The following RASA3 variants were observed in gnomAD, a reference collection of about 807,000 sequenced individuals.
The protein encoded by RASA3 is ras GTPase-activating protein 3.
In RASA3, 73 loss-of-function variants were observed where a neutral mutation model predicts 110.0. The observed-to-expected ratio is 0.66, with a 90% CI of 0.55 to 0.81. The LOEUF (loss-of-function observed/expected upper bound fraction) is 0.81. Among genes scored for constraint, RASA3 ranks in the 30% least tolerant of loss-of-function variants. The pLI, the probability that RASA3 is intolerant of heterozygous loss-of-function variation, is 0.00. For missense variants in RASA3, 976 were observed against 1,113.2 expected (o/e 0.88, Z 1.75); for synonymous variants, 500 against 451.4 (o/e 1.11, Z -1.37).
chr13:114,052,905 C>A (rs1385399497), intron 2 of RASA3, among the ~76,000 whole-genome samples: 3 of 129,134 alleles, frequency 2.3e-5, no homozygotes, highest in East Asian at 2.1e-4. Flanking sequence ...AGTCCTGGCT[C>A]CTGGGGGAGA....
chr13:114,117,538 ATGTGTGAGGGGAGCACG>A (rs2080303741), intron 1 of RASA3, among the ~76,000 whole-genome samples: 1 of 74,040 alleles, frequency 1.4e-5, no homozygotes, highest in African/African-American at 5.4e-5. Flanking sequence ...AGGGGTGCAC[ATGTGTGAGGGGAGCACG>A]TGTGTGAGGG....
At chr13:114,124,724 G>A (rs1364279803) in intron 1 of RASA3, among the ~76,000 whole-genome samples, 2 of 152,246 alleles carry the variant, frequency 1.3e-5, no homozygotes, top group Admixed American at 6.5e-5. Context: ...GCCTGACGGA[G>A]CCGCTCCTTC....
intron 8 of RASA3, 26 bp from the exon 9 acceptor site, chr13:114,021,534 T>C (rs1197282078): frequency 6.3e-7 from 1 of 1,595,454 alleles, no homozygotes. Context: ...AGGACAGCTC[T>C]AGCTGACGGC....
At chr13:114,013,739 TG>T (rs1289982272) in intron 14 of RASA3, among the ~76,000 whole-genome samples, 2 of 52,682 alleles carry the variant, frequency 3.8e-5, no homozygotes, top group African/African-American at 1.4e-4. Context: ...CGTCTGTCTC[TG>T]GCTCTCTCTC....
chr13:114,066,694 C>G (rs1004665760), intron 2 of RASA3, among the ~76,000 whole-genome samples: 2 of 152,242 alleles, frequency 1.3e-5, no homozygotes, highest in African/African-American at 4.8e-5. Flanking sequence ...TGAGAGAACC[C>G]CCTGCATCAT....
In RASA3 at chr13:114,041,124, C is replaced by A. The variant is rs7995748; in HGVS notation, c.278-30G>T. 1.8e-5 allele frequency: 29 copies of A among 1,591,872 alleles called. No individual in the cohort carries two copies. The South Asian group carries it at 3.1e-4, about 17-fold the overall frequency. On this transcript the variant is annotated intron_variant, in intron 3 of 23. Transcript: ENST00000334062. The stretch of plus-strand genomic sequence containing the variant: ...AACACAAGCAGAGAAGACTTCACCA[C>A]GGGCACAGGCCCCAGAGCCAGGACG...
intron 18 of RASA3, among the ~76,000 whole-genome samples, chr13:114,004,950 G>A (rs1340235004): frequency 6.6e-6 from 1 of 152,202 alleles, no homozygotes; most frequent in Non-Finnish European, 1.5e-5. Context: ...CAAGAGGAAG[G>A]AAATCTTATG....
chr13:113,992,710 G>A (rs886833228), intron 21 of RASA3, 122 bp from the exon 22 acceptor site: 9 of 801,350 alleles, frequency 1.1e-5, no homozygotes, highest in African/African-American at 3.4e-5. Flanking sequence ...AGTGAAATTC[G>A]ACAGGATCGA....
chr13:114,071,268 C>G (rs571622070), intron 2 of RASA3, among the ~76,000 whole-genome samples: 182 of 152,326 alleles, frequency 1.2e-3, no homozygotes, highest in African/African-American at 4.3e-3. Context: ...CAGGTGTGAG[C>G]CACCACACCC....
In RASA3 at chr13:114,013,238, G is replaced by A. The variant is rs142713902; in HGVS notation, c.1416C>T (p.Asp472=). The change falls in exon 15 of 24, where the codon GAC becomes GAT. Residue 472 remains aspartate, a synonymous_variant. Transcript: ENST00000334062. ...AAAKRFQDDP[D]VRYTAVSSFI... ...AGCTGCTCACTGCAGTGTACCTGAC[G>A]TCCGGGTCATCTGCGGGAGAGAGAA... The A allele has an allele frequency of 4.0e-5, 65 of 1,611,682 alleles. No individual in the cohort carries two copies. The highest frequency in any genetic ancestry group is 3.3e-4 in the Middle Eastern group (2 of 6,074).
At position 114,037,261 on chromosome 13, in the gene RASA3, C is replaced by G. The variant is rs190073376; in HGVS notation, c.372+3739G>C. On this transcript the variant is annotated intron_variant, in intron 4 of 23. Transcript: ENST00000334062. ...CTATCTACCCTGTGATGAAGTTGCA[C>G]CGACTGTCACAACAGCCCATCGGCA... 1.2e-3 allele frequency among the ~76,000 whole-genome samples: 183 copies of G among 152,310 alleles called. 1 individual carries two copies. The highest frequency in any genetic ancestry group is 4.1e-3 in the African/African-American group (169 of 41,568).
rs1241929162 is a variant in RASA3 at position 114,057,247 on chromosome 13, G to T, written c.174-5092C>A. The stretch of plus-strand genomic sequence containing the variant: ...TTATTACTAACTTTGTTTCCTGCGG[G>T]TCACCTCAAGTCTTTCAGGAAACCA... On this transcript the variant is annotated intron_variant, in intron 2 of 23. Coordinates refer to ENST00000334062, the MANE Select transcript of RASA3 (RefSeq NM_007368.4). This position sits in a 1 kb window ranked among gnomAD's most constrained non-coding sequence, Gnocchi z 5.0. 1 of 985,250 alleles carries T rather than the reference G, an allele frequency of 1.0e-6. No individual in the cohort carries two copies. The highest frequency in any genetic ancestry group is 1.7e-5 in the African/African-American group (1 of 57,194). 61.0% of individuals were successfully genotyped at this position (985,250 alleles called of 1,614,324 possible). A position where few individuals can be genotyped will look rare whatever the true frequency, so the allele number is the denominator to read the frequency against.
intron 2 of RASA3, among the ~76,000 whole-genome samples, chr13:114,067,972 C>T (rs1206676643): frequency 2.0e-5 from 3 of 152,362 alleles, no homozygotes; most frequent in African/African-American, 7.2e-5. Flanking sequence ...TTTTTGTCTG[C>T]GTATCCAGAT....
intron 4 of RASA3, among the ~76,000 whole-genome samples, chr13:114,031,193 A>G (rs191119576): frequency 4.1e-4 from 52 of 127,356 alleles, no homozygotes; most frequent in Non-Finnish European, 7.5e-4. Context: ...GCATGTGGCT[A>G]TGTGTCTGTG....
chr13:114,080,059 T>G (rs1459407598), intron 1 of RASA3, among the ~76,000 whole-genome samples: 2 of 151,416 alleles, frequency 1.3e-5, no homozygotes, highest in Non-Finnish European at 2.9e-5. Flanking sequence ...GCCGTGGGAG[T>G]GGGGTTTCCT....
chr13:113,980,527 T>C (rs1283100756), intron 23 of RASA3, among the ~76,000 whole-genome samples: 1 of 151,656 alleles, frequency 6.6e-6, no homozygotes, highest in Non-Finnish European at 1.5e-5. Flanking sequence ...CGTGTGCGCC[T>C]TCTACTACAA....
Position 114,015,222 on chromosome 13 carries a change from G to GGCC in RASA3, c.1389_1391dup (p.Ala464dup). ...CAGGGCACTCACCCTGGAAGCGCTT[G>GGCC]GCCGCCGCCTCCCGGAGGGAGAAGA... is the stretch of plus-strand genomic sequence containing the variant. On this transcript the variant is annotated inframe_insertion, in exon 14 of 24. Coordinates refer to ENST00000334062, the MANE Select transcript of RASA3 (RefSeq NM_007368.4). 2 of 1,613,054 alleles carry GGCC rather than the reference G, an allele frequency of 1.2e-6. No homozygotes were observed. Among genetic ancestry groups the GGCC allele is most frequent in the Non-Finnish European group, 8.5e-7 (1 of 1,179,982 alleles).
chr13:114,099,605 G>T (rs1388067130), intron 1 of RASA3, among the ~76,000 whole-genome samples: 1 of 124,160 alleles, frequency 8.1e-6, no homozygotes, highest in Non-Finnish European at 1.8e-5. Flanking sequence ...CAGCGCCTGA[G>T]ATGCAGCCCC....
In RASA3 at chr13:114,011,202, T is replaced by G. The variant is rs1018204737; in HGVS notation, c.1559A>C (p.Gln520Pro). The change falls in exon 16 of 24, where the codon CAG becomes CCG. Residue 520 changes from glutamine to proline, a missense_variant. Around this residue, in one of 4 missense-constraint regions of RASA3, gnomAD observed 732 missense variants for 779.7 expected, o/e 0.94. Coordinates refer to ENST00000334062, the MANE Select transcript of RASA3 (RefSeq NM_007368.4). The surrounding 1 kb of genome is among the most constrained non-coding windows in gnomAD (Gnocchi z 4.8). The part of the protein sequence containing the change: ...RTLTLISKTV[Q>P]TLGSLSKSKS... ...GGACTTGGACAGGCTGCCGAGGGTC[T>G]GAACGGTCTTGGAGATCAATGTCAG... The G allele has an allele frequency of 6.2e-7, 1 of 1,612,930 alleles. No homozygotes were observed. Among genetic ancestry groups the G allele is most frequent in the African/African-American group, 1.3e-5 (1 of 74,900 alleles).
Sources: gnomAD v4.1 joint callset for allele counts (sites outside exome capture counted in the v4.1 genomes callset) on GRCh38, gnomAD v4.1.1 for gene constraint, gnomAD v4.1.1 regional missense constraint, Gnocchi (gnomAD v3.1) non-coding constraint, MANE v1.5 for transcripts, NCBI Gene and HGNC (gene_info 2026-07-23, HGNC 2026-07-21) for gene names.